CXXC5: variants seen among roughly 807,000 people sequenced by gnomAD.
The protein encoded by CXXC5 is CXXC finger protein 5, also known as CXXC-type zinc finger protein 5.
Under a neutral mutation model 17.6 loss-of-function variants are expected in CXXC5, and 2 were observed. That is an observed-to-expected ratio of 0.11 (90% confidence interval 0.05 to 0.36). The LOEUF is 0.36. Among genes scored for constraint, CXXC5 ranks in the 10% least tolerant of loss-of-function variants. The pLI is 1.00. For missense variants in CXXC5, 343 were observed against 458.3 expected, an observed-to-expected ratio of 0.75 and a Z score of 2.30; for synonymous variants, 171 against 193.0, an observed-to-expected ratio of 0.89 and a Z score of 0.94.
At position 139,670,878 on chromosome 5, in the gene CXXC5, GACAC is replaced by G. The variant is rs898041514; in HGVS notation, c.-160-9478_-160-9475del. On this transcript the variant is annotated intron_variant, in intron 1 of 2. Coordinates refer to ENST00000302517, the MANE Select transcript of CXXC5 (RefSeq NM_016463.9). This position sits in a 1 kb window ranked among gnomAD's most constrained non-coding sequence, Gnocchi z 4.2. ...AACCGGGCACATTCACAGTCCACTG[GACAC>G]ACACACAGTTGTGCAGCACACCTCC... is the stretch of plus-strand genomic sequence containing the variant. Among the ~76,000 whole-genome samples, 1 of 152,144 alleles carries G rather than the reference GACAC, an allele frequency of 6.6e-6. No individual in the cohort carries two copies. The highest frequency in any genetic ancestry group is 1.5e-5 in the Non-Finnish European group (1 of 68,016).
intron 1 of CXXC5, among the ~76,000 whole-genome samples, chr5:139,655,947 G>C (rs1332402679): frequency 6.6e-6 from 1 of 152,192 alleles, no homozygotes; most frequent in South Asian, 2.1e-4. Flanking sequence ...TCCAGCTGCC[G>C]GCCCCAGCAG....
At position 139,680,630 on chromosome 5, in the gene CXXC5, A is replaced by C. The variant is rs569116176; in HGVS notation, c.107A>C (p.Asp36Ala). ...AGTGGCCCAAAGGCAGGAGCAGCAG[A>C]CAAGAGTGCAGTGGTGGCTGCCGCC... ...GSSGPKAGAA[D>A]KSAVVAAAAP... The change falls in exon 2 of 3, where the codon GAC becomes GCC. Residue 36 changes from aspartate (D) to alanine (A), a missense_variant. Physicochemically the swap from Asp to Ala is moderately radical, Grantham distance 126. Around this residue, in one of 4 missense-constraint regions of CXXC5, gnomAD observed 297 missense variants for 363.4 expected, o/e 0.82. Transcript: ENST00000302517. The C allele has an allele frequency of 6.2e-7, 1 of 1,612,588 alleles. No homozygotes were observed. Among genetic ancestry groups the C allele is most frequent in the African/African-American group, 1.3e-5 (1 of 75,054 alleles).
intron 1 of CXXC5, among the ~76,000 whole-genome samples, chr5:139,677,825 C>T (rs189124208): frequency 3.9e-4 from 59 of 152,322 alleles, no homozygotes; most frequent in African/African-American, 1.0e-3. Context: ...AGACAAAAGC[C>T]GAGACACTCA....
intron 1 of CXXC5, chr5:139,651,151 C>G (rs1240328273): frequency 6.6e-6 from 1 of 152,652 alleles, no homozygotes; most frequent in Non-Finnish European, 1.5e-5. Flanking sequence ...CTCTCCATGC[C>G]ACCTCCCTTT....
At chr5:139,675,712 C>T (rs1756744209) in intron 1 of CXXC5, among the ~76,000 whole-genome samples, 1 of 152,194 alleles carries the variant, frequency 6.6e-6, no homozygotes, top group South Asian at 2.1e-4. Context: ...CAGCTTGAAC[C>T]TCTCTGAGCC....
Position 139,683,037 on chromosome 5 carries a change from T to C in CXXC5, c.*130T>C. On this transcript the variant is annotated 3_prime_UTR_variant, in exon 3 of 3. Transcript: ENST00000302517. ...CAAAAATATTCTCTCACAGATTTCA[T>C]TCCTGTTTTTATATATATATTTTTT... 1.5e-6 allele frequency: 1 copy of C among 680,132 alleles called. No homozygotes were observed. The highest frequency in any genetic ancestry group is 4.0e-5 in the Admixed American group (1 of 24,836). The allele number at this position is 680,132 out of a possible 1,614,324, so 42.1% of individuals were successfully genotyped here.
At chr5:139,677,224 G>C (rs139240507) in intron 1 of CXXC5, among the ~76,000 whole-genome samples, 3 of 151,882 alleles carry the variant, frequency 2.0e-5, no homozygotes, top group Non-Finnish European at 4.4e-5. Flanking sequence ...GCCGCCGCCC[G>C]CCTGCCCGCC....
chr5:139,660,898 G>A (rs1034119869), intron 1 of CXXC5, among the ~76,000 whole-genome samples: 3 of 136,930 alleles, frequency 2.2e-5, no homozygotes, highest in African/African-American at 8.3e-5. Context: ...GCCAGGCTGC[G>A]GGCCTGTCCC....
In CXXC5 at chr5:139,670,105, C is replaced by T. The variant is rs769364499; in HGVS notation, c.-160-10259C>T. Among the ~76,000 whole-genome samples, 3 of 152,336 alleles carry T rather than the reference C, an allele frequency of 2.0e-5. No homozygotes were observed. The highest frequency in any genetic ancestry group is 3.9e-4 in the East Asian group (2 of 5,188). On this transcript the variant is annotated intron_variant, in intron 1 of 2. Transcript: ENST00000302517. The surrounding 1 kb of genome is among the most constrained non-coding windows in gnomAD (Gnocchi z 4.2). The stretch of plus-strand genomic sequence containing the variant: ...GTCAGATAGCGACTCCGGAACCAGC[C>T]GGCTCGGCCCCATGGCCCCTCTCGC...
intron 1 of CXXC5, among the ~76,000 whole-genome samples, chr5:139,666,396 G>A (rs1756116602): frequency 6.6e-6 from 1 of 152,126 alleles, no homozygotes; most frequent in Admixed American, 6.5e-5. Context: ...ATGCCCCAGG[G>A]GTCTCAGGGT....
rs141304692 is a variant in CXXC5 at position 139,667,624 on chromosome 5, C to A, written c.-160-12740C>A. Among the ~76,000 whole-genome samples, 3 of 152,274 alleles carry A rather than the reference C, an allele frequency of 2.0e-5. No individual in the cohort carries two copies. The East Asian group carries it at 5.8e-4, about 29-fold the overall frequency. On this transcript the variant is annotated intron_variant, in intron 1 of 2. Transcript: ENST00000302517. Reference sequence around the variant, plus strand: ...CATTCCTAGGCTTCCTTAGGCCCTGCAGCTCCTGACCCTCCTGGCACTATT... The same window carrying A: ...CATTCCTAGGCTTCCTTAGGCCCTGAAGCTCCTGACCCTCCTGGCACTATT...
intron 1 of CXXC5, among the ~76,000 whole-genome samples, chr5:139,673,863 A>AGC (rs1292224312): frequency 6.7e-6 from 1 of 149,352 alleles, no homozygotes; most frequent in African/African-American, 2.5e-5. Flanking sequence ...AAAGAGAGAG[A>AGC]GAAAACAGAG....
chr5:139,665,807 G>C (rs1028424421), intron 1 of CXXC5: 7 of 152,366 alleles, frequency 4.6e-5, no homozygotes, highest in Non-Finnish European at 1.5e-5. Flanking sequence ...GGAACAGGTA[G>C]ATGGACAGCG....
chr5:139,682,811 A>T (rs1430964140), intron 2 of CXXC5, 52 bp from the exon 3 acceptor site: 1 of 1,545,882 alleles, frequency 6.5e-7, no homozygotes, highest in South Asian at 1.2e-5. Flanking sequence ...CTCCAGGCCT[A>T]CCCGGACCCT....
Position 139,682,991 on chromosome 5 carries a change from G to A in CXXC5, c.*84G>A, listed in dbSNP as rs1757344529. 8.1e-7 allele frequency: 1 copy of A among 1,232,920 alleles called. No homozygotes were observed. The highest frequency in any genetic ancestry group is 1.9e-5 in the South Asian group (1 of 52,406). 76.4% of individuals were successfully genotyped at this position (1,232,920 alleles called of 1,614,324 possible). A position where few individuals can be genotyped will look rare whatever the true frequency, so the allele number is the denominator to read the frequency against. On this transcript the variant is annotated 3_prime_UTR_variant, in exon 3 of 3. Coordinates refer to ENST00000302517, the MANE Select transcript of CXXC5 (RefSeq NM_016463.9). ...GCAAGGGATTCGGGCGAAGACAAAC[G>A]GATGCACCCGTCTTTAGAACCAAAA... is the stretch of plus-strand genomic sequence containing the variant.
At chr5:139,659,791 G>A (rs1415871257) in intron 1 of CXXC5, 1 of 152,270 alleles carries the variant, frequency 6.6e-6, no homozygotes, top group African/African-American at 2.4e-5. Context: ...GCCTGGAGGT[G>A]GTGCTTCTGC....
rs758952438 is a variant in CXXC5 at position 139,680,580 on chromosome 5, C to T, written c.57C>T (p.Thr19=). The T allele has an allele frequency of 1.2e-6, 2 of 1,600,836 alleles. No individual in the cohort carries two copies. Among genetic ancestry groups the T allele is most frequent in the South Asian group, 1.1e-5 (1 of 89,898 alleles). ...QDAGGSSSSS[T]NGSGGSGSSG... ...CCGGCGGCAGTAGCAGCAGCAGCAC[C>T]AATGGCAGCGGTGGCAGTGGCAGCA... Residue 19 remains threonine (T), a synonymous_variant, in exon 2 of 3, where the codon ACC becomes ACT. Transcript: ENST00000302517.
intron 1 of CXXC5, among the ~76,000 whole-genome samples, chr5:139,674,757 A>G (rs1389401528): frequency 2.6e-5 from 4 of 152,248 alleles, no homozygotes; most frequent in East Asian, 1.9e-4. Flanking sequence ...GCTCACGCCT[A>G]TAATCCCAGC....
At chr5:139,675,317 G>C (rs1756720036) in intron 1 of CXXC5, 1 of 152,242 alleles carries the variant, frequency 6.6e-6, no homozygotes, top group Non-Finnish European at 1.5e-5. Flanking sequence ...TCTGGCCCGA[G>C]AGTTCAAGAT....
Sources: allele counts gnomAD v4.1 joint callset (sites outside exome capture counted in the v4.1 genomes callset), GRCh38; gene constraint gnomAD v4.1.1; regional missense constraint gnomAD v4.1.1; non-coding constraint Gnocchi (gnomAD v3.1); transcripts MANE v1.5; gene names NCBI Gene and HGNC (gene_info 2026-07-23, HGNC 2026-07-21).